The following TMED3 variants were observed in gnomAD, a reference collection of about 807,000 sequenced individuals.
The protein encoded by TMED3 is transmembrane emp24 domain-containing protein 3.
A neutral mutation model predicts 15.0 loss-of-function variants in TMED3; 9 were observed. The ratio of observed to expected loss-of-function variants is 0.60; its 90% CI spans 0.36 to 1.04. The LOEUF is 1.04. Among genes scored for constraint, TMED3 ranks in the 50% least tolerant of loss-of-function variants. The pLI is 0.01. For synonymous variants in TMED3, 117 were observed against 121.4 expected (o/e 0.96, Z 0.24); for missense variants, 267 against 278.9 (o/e 0.96, Z 0.30).
intron 2 of TMED3, 90 bp from the exon 3 acceptor site, chr15:79,321,888 C>T: frequency 6.8e-7 from 1 of 1,470,160 alleles, no homozygotes; most frequent in Non-Finnish European, 9.3e-7. Context: ...GTGGATATCA[C>T]CTAGGATGTT....
At chr15:79,390,619 G>C (rs1422198522) in intron 2 of TMED3, among the ~76,000 whole-genome samples, 3 of 152,046 alleles carry the variant, frequency 2.0e-5, no homozygotes, top group Admixed American at 2.0e-4. Context: ...ATTAGGGAGG[G>C]TTCCCTGTTT....
chr15:79,413,505 CCTT>C (rs1286248196), exon 3 of TMED3: 2 of 152,222 alleles, frequency 1.3e-5, no homozygotes, highest in Admixed American at 6.5e-5. Flanking sequence ...GAAATAATCA[CCTT>C]CTTAAAATAC....
chr15:79,353,269 TAA>T (rs1491290024), intron 2 of TMED3, among the ~76,000 whole-genome samples: 31 of 35,646 alleles, frequency 8.7e-4, no homozygotes, highest in African/African-American at 4.5e-3. Context: ...ATATTATATA[TAA>T]TATATATAAT....
chr15:79,333,357 A>T (rs2058816336), intron 2 of TMED3, among the ~76,000 whole-genome samples: 1 of 152,090 alleles, frequency 6.6e-6, no homozygotes, highest in Non-Finnish European at 1.5e-5. Flanking sequence ...AATGTTGTTA[A>T]CTCCTCCCTG....
intron 2 of TMED3, among the ~76,000 whole-genome samples, chr15:79,330,045 C>T (rs6495394): frequency 0.18 from 27,394 of 152,058 alleles, 2,456 homozygotes; most frequent in Admixed American, 0.24. Flanking sequence ...TCACCACACC[C>T]CAAGAAAGGC....
At chr15:79,407,818 A>G (rs980094167) in intron 2 of TMED3, among the ~76,000 whole-genome samples, 7 of 152,162 alleles carry the variant, frequency 4.6e-5, no homozygotes, top group African/African-American at 7.2e-5. Flanking sequence ...CCGAGAGCCA[A>G]TGGGTAGTGG....
At chr15:79,397,158 TC>T (rs1294175580) in intron 2 of TMED3, among the ~76,000 whole-genome samples, 1 of 152,228 alleles carries the variant, frequency 6.6e-6, no homozygotes, top group African/African-American at 2.4e-5. Flanking sequence ...TTTACATTCA[TC>T]TTCCTATTTC....
chr15:79,341,415 C>T (rs1278230818), intron 2 of TMED3, among the ~76,000 whole-genome samples: 1 of 151,950 alleles, frequency 6.6e-6, no homozygotes, highest in African/African-American at 2.4e-5. Flanking sequence ...AGCAAAGGAG[C>T]CTTACCATAA....
At chr15:79,336,209 C>T (rs1180966828) in intron 2 of TMED3, among the ~76,000 whole-genome samples, 4 of 152,146 alleles carry the variant, frequency 2.6e-5, no homozygotes, top group South Asian at 2.1e-4. Flanking sequence ...TCTGGTGCCA[C>T]GGAGGTGGGG....
At chr15:79,382,962 TC>T in intron 2 of TMED3, 1 of 1,535,478 alleles carries the variant, frequency 6.5e-7, no homozygotes, top group Non-Finnish European at 8.7e-7. Flanking sequence ...TTATTTCTTT[TC>T]CAAGGGTCCC....
At chr15:79,356,946 C>G (rs180832978) in intron 2 of TMED3, among the ~76,000 whole-genome samples, 1 of 152,102 alleles carries the variant, frequency 6.6e-6, no homozygotes, top group Non-Finnish European at 1.5e-5. Flanking sequence ...CAGACATAGA[C>G]AAGTGTGCTT....
intron 2 of TMED3, among the ~76,000 whole-genome samples, chr15:79,330,480 A>G (rs1021108940): frequency 6.6e-6 from 1 of 152,202 alleles, no homozygotes; most frequent in Non-Finnish European, 1.5e-5. Context: ...TTAACCAAGG[A>G]TGTGAAAAAT....
intron 2 of TMED3, among the ~76,000 whole-genome samples, chr15:79,350,374 C>T (rs1015693164): frequency 6.6e-6 from 1 of 152,094 alleles, no homozygotes; most frequent in Non-Finnish European, 1.5e-5. Context: ...CAGTCCGAGT[C>T]CCAAAACCTC....
At chr15:79,330,006 G>T (rs186156266) in intron 2 of TMED3, among the ~76,000 whole-genome samples, 5 of 152,168 alleles carry the variant, frequency 3.3e-5, no homozygotes, top group Admixed American at 6.5e-5. Context: ...ATTTAGAGAT[G>T]CCCGGTGGTC....
chr15:79,397,243 G>A (rs371263674), intron 2 of TMED3, among the ~76,000 whole-genome samples: 102 of 152,202 alleles, frequency 6.7e-4, no homozygotes, highest in African/African-American at 2.2e-3. Context: ...TTCGTTCCTG[G>A]TTCACAGAGG....
intron 2 of TMED3, among the ~76,000 whole-genome samples, chr15:79,347,619 A>G (rs1369599646): frequency 1.3e-5 from 2 of 152,326 alleles, no homozygotes; most frequent in Middle Eastern, 3.4e-3. Context: ...ACATGATACT[A>G]TATCTAAACA....
At chr15:79,379,575 G>A (rs2141248731) in intron 2 of TMED3, among the ~76,000 whole-genome samples, 1 of 152,284 alleles carries the variant, frequency 6.6e-6, no homozygotes, top group South Asian at 2.1e-4. Context: ...TTACTGCGAT[G>A]TAAAGTGTGG....
At chr15:79,380,568 C>T (rs28685642) in intron 2 of TMED3, among the ~76,000 whole-genome samples, 26,831 of 145,320 alleles carry the variant, frequency 0.18, 2,997 homozygotes, top group African/African-American at 0.31. Flanking sequence ...TATGTAGTTA[C>T]ATATATATAG....
chr15:79,369,835 G>C (rs1893303268), intron 2 of TMED3, among the ~76,000 whole-genome samples: 3 of 152,210 alleles, frequency 2.0e-5, no homozygotes, highest in Non-Finnish European at 4.4e-5. Flanking sequence ...CCTCTTTGCT[G>C]TTTCTCAGAA....
Sources: gnomAD v4.1 joint callset for allele counts (sites outside exome capture counted in the v4.1 genomes callset) on GRCh38, gnomAD v4.1.1 for gene constraint, MANE v1.5 for transcripts, NCBI Gene and HGNC (gene_info 2026-07-23, HGNC 2026-07-21) for gene names.